Variants in TRMT9B observed in about 807,000 individuals in gnomAD.
The protein encoded by TRMT9B is probable tRNA methyltransferase 9B.
TRMT9B carries 16 observed loss-of-function variants against 11.5 expected under a neutral mutation model. The observed-to-expected ratio is 1.39, with a 90% CI of 0.94 to 2.11. The LOEUF is 2.11. TRMT9B is among the 30% of genes most tolerant of loss of function. TRMT9B has a pLI of 0.00. For missense variants in TRMT9B, 941 were observed against 553.8 expected (o/e 1.70, Z -7.02); for synonymous variants, 274 against 192.4 (o/e 1.42, Z -3.51).
At chr8:12,998,947 TA>T (rs1265492476) in intron 2 of TRMT9B, among the ~76,000 whole-genome samples, 1 of 152,198 alleles carries the variant, frequency 6.6e-6, no homozygotes, top group East Asian at 1.9e-4. Flanking sequence ...CTGTTGGATA[TA>T]TATGTTAATG....
intron 2 of TRMT9B, among the ~76,000 whole-genome samples, chr8:12,993,543 CAG>C (rs1362574184): frequency 1.3e-5 from 2 of 152,134 alleles, no homozygotes; most frequent in Non-Finnish European, 2.9e-5. Context: ...GCAAGAGGAA[CAG>C]ACAGACCAGT....
Position 13,021,788 on chromosome 8 carries a change from C to A in TRMT9B, c.1109C>A (p.Pro370His). The stretch of plus-strand genomic sequence containing the variant: ...GCAGGCAACATAGAAGATGATAATC[C>A]TTCTGCTAGTAAAATATTGAGAAGG... ...VDAGNIEDDN[P>H]SASKILRRIS... Residue 370 changes from proline to histidine, a missense_variant, in exon 5 of 5, where the codon CCT becomes CAT. By Grantham distance (77) the Pro-to-His change is moderately conservative. Coordinates refer to ENST00000524591, the MANE Select transcript of TRMT9B (RefSeq NM_020844.3). 6.2e-7 allele frequency: 1 copy of A among 1,613,778 alleles called. No individual in the cohort carries two copies. Among genetic ancestry groups the A allele is most frequent in the Non-Finnish European group, 8.5e-7 (1 of 1,179,772 alleles).
chr8:12,956,262 A>C (rs1801298274), intron 1 of TRMT9B, among the ~76,000 whole-genome samples: 1 of 152,206 alleles, frequency 6.6e-6, no homozygotes, highest in African/African-American at 2.4e-5. Context: ...AATATATTTC[A>C]TCCGAGATTT....
chr8:13,022,274 C>A lies in TRMT9B; in HGVS notation c.*230C>A. The A allele has an allele frequency of 2.2e-6, 1 of 446,460 alleles. No homozygotes were observed. Among genetic ancestry groups the A allele is most frequent in the Non-Finnish European group, 4.1e-6 (1 of 246,172 alleles). 27.7% of individuals were successfully genotyped at this position (446,460 alleles called of 1,614,324 possible). A position where few individuals can be genotyped will look rare whatever the true frequency, so the allele number is the denominator to read the frequency against. Reference sequence around the variant, plus strand: ...GTGCTTAAATGTTAATATACAAGATCTGAAGAAGCAACAGAAAGTACCCTT... The same window carrying A: ...GTGCTTAAATGTTAATATACAAGATATGAAGAAGCAACAGAAAGTACCCTT... On this transcript the variant is annotated 3_prime_UTR_variant, in exon 5 of 5. Coordinates refer to ENST00000524591, the MANE Select transcript of TRMT9B (RefSeq NM_020844.3).
chr8:13,006,082 G>A, intron 2 of TRMT9B, 120 bp from the exon 3 acceptor site: 4 of 877,066 alleles, frequency 4.6e-6, no homozygotes, highest in Non-Finnish European at 6.9e-6. Context: ...ATAAGAAAGT[G>A]TGCAAACAGC....
chr8:12,966,617 G>C (rs1343580187), intron 1 of TRMT9B, among the ~76,000 whole-genome samples: 1 of 152,154 alleles, frequency 6.6e-6, no homozygotes, highest in Non-Finnish European at 1.5e-5. Context: ...ATTTAAATTG[G>C]TCTAAATTTT....
At chr8:12,983,726 C>T (rs1420244637) in intron 1 of TRMT9B, among the ~76,000 whole-genome samples, 1 of 152,082 alleles carries the variant, frequency 6.6e-6, no homozygotes, top group East Asian at 1.9e-4. Context: ...CCCTAGAGGC[C>T]CCTCTTTTTG....
intron 2 of TRMT9B, among the ~76,000 whole-genome samples, chr8:12,995,032 C>T (rs546540720): frequency 5.3e-5 from 8 of 152,314 alleles, no homozygotes; most frequent in East Asian, 3.9e-4. Flanking sequence ...AGTTCCAAGG[C>T]GCAGCTCCCG....
intron 1 of TRMT9B, among the ~76,000 whole-genome samples, chr8:12,968,197 A>T (rs1334308039): frequency 6.6e-6 from 1 of 152,238 alleles, no homozygotes; most frequent in African/African-American, 2.4e-5. Flanking sequence ...GTGCTATTTT[A>T]AATGAAATAC....
At chr8:12,968,936 G>A (rs1032075444) in intron 1 of TRMT9B, among the ~76,000 whole-genome samples, 1 of 152,232 alleles carries the variant, frequency 6.6e-6, no homozygotes, top group African/African-American at 2.4e-5. Flanking sequence ...AGTGGGCTGG[G>A]TGAGGTGGCT....
intron 3 of TRMT9B, among the ~76,000 whole-genome samples, chr8:13,007,910 G>C (rs1274365245): frequency 6.6e-6 from 1 of 152,002 alleles, no homozygotes; most frequent in African/African-American, 2.4e-5. Flanking sequence ...TATTCTCAGA[G>C]GCAAAATGCC....
chr8:12,983,127 A>G (rs760848378), intron 1 of TRMT9B, among the ~76,000 whole-genome samples: 7 of 152,164 alleles, frequency 4.6e-5, no homozygotes, highest in Non-Finnish European at 7.3e-5. Context: ...AGATACCCCT[A>G]TGAGTAACAC....
chr8:12,990,426 G>C (rs1341586099), intron 1 of TRMT9B, among the ~76,000 whole-genome samples: 60 of 152,118 alleles, frequency 3.9e-4, no homozygotes, highest in Non-Finnish European at 1.5e-5. Context: ...ACTTATCAAA[G>C]TGACAAGAAA....
At chr8:12,966,455 T>C (rs762058973) in intron 1 of TRMT9B, among the ~76,000 whole-genome samples, 1 of 152,222 alleles carries the variant, frequency 6.6e-6, no homozygotes, top group African/African-American at 2.4e-5. Flanking sequence ...TAGACATTGC[T>C]GTTCTGTAAT....
rs1585423317 is a variant in TRMT9B at position 12,945,832 on chromosome 8, A to G, written c.-334A>G. 6.6e-6 allele frequency: 1 copy of G among 151,960 alleles called. No individual in the cohort carries two copies. The highest frequency in any genetic ancestry group is 6.6e-5 in the Admixed American group (1 of 15,250). The allele number at this position is 151,960 out of a possible 1,614,324, so 9.4% of individuals were successfully genotyped here. A position where few individuals can be genotyped will look rare whatever the true frequency, so the allele number is the denominator to read the frequency against. ...TTTTCTTGATGCATATGTTCCTTCA[A>G]CTTATTCAGTACTTCCATGTGCAGG... On this transcript the variant is annotated 5_prime_UTR_variant, in exon 1 of 5. Coordinates refer to ENST00000524591, the MANE Select transcript of TRMT9B (RefSeq NM_020844.3).
At chr8:12,961,790 C>G (rs1468011324) in intron 1 of TRMT9B, 1 of 151,840 alleles carries the variant, frequency 6.6e-6, no homozygotes, top group Non-Finnish European at 1.5e-5. Flanking sequence ...AGCTCCAAGT[C>G]AAAAGAATTA....
chr8:12,987,769 C>T (rs1248853809), intron 1 of TRMT9B, among the ~76,000 whole-genome samples: 2 of 152,086 alleles, frequency 1.3e-5, no homozygotes, highest in Non-Finnish European at 2.9e-5. Flanking sequence ...TAAACGTGCT[C>T]AGAACATTTA....
At chr8:13,011,924 T>C (rs1018091465) in intron 3 of TRMT9B, 2 of 985,246 alleles carry the variant, frequency 2.0e-6, no homozygotes, top group Non-Finnish European at 2.4e-6. Flanking sequence ...GAAAAGTTGT[T>C]GACAGTTGTT....
chr8:12,956,415 G>C (rs78519202), intron 1 of TRMT9B, among the ~76,000 whole-genome samples: 1 of 152,180 alleles, frequency 6.6e-6, no homozygotes, highest in Non-Finnish European at 1.5e-5. Flanking sequence ...AGCTGAAATT[G>C]CTGGAAAAAG....
Sources: gnomAD v4.1 joint callset for allele counts (sites outside exome capture counted in the v4.1 genomes callset) on GRCh38, gnomAD v4.1.1 for gene constraint, MANE v1.5 for transcripts, NCBI Gene and HGNC (gene_info 2026-07-23, HGNC 2026-07-21) for gene names.